Variants in TLK2 observed in about 807,000 individuals in gnomAD.
The protein encoded by TLK2 is serine/threonine-protein kinase tousled-like 2.
Under a neutral mutation model 117.3 loss-of-function variants are expected in TLK2, and 6 were observed. That is an observed-to-expected ratio of 0.05 (90% CI 0.03 to 0.10). The LOEUF (loss-of-function observed/expected upper bound fraction) is 0.10. TLK2 is among the 10% of genes least tolerant of loss of function. TLK2 has a pLI of 1.00. For missense variants in TLK2, 299 were observed against 901.2 expected (o/e 0.33, Z 8.56); for synonymous variants, 257 against 316.7 (o/e 0.81, Z 2.00).
At chr17:62,487,398 A>G (rs1348674737) in intron 2 of TLK2, among the ~76,000 whole-genome samples, 1 of 151,572 alleles carries the variant, frequency 6.6e-6, no homozygotes, top group Non-Finnish European at 1.5e-5. Context: ...ACGCGCCTGT[A>G]GTCCCAGCTG....
At chr17:62,595,899 A>C (rs551599910) in intron 16 of TLK2, among the ~76,000 whole-genome samples, 1 of 152,232 alleles carries the variant, frequency 6.6e-6, no homozygotes, top group South Asian at 2.1e-4. Context: ...GCATATATAC[A>C]TTTACAGATA....
At chr17:62,476,941 T>C (rs1359291668), upstream of TLK2, among the ~76,000 whole-genome samples, 1 of 150,114 alleles carries the variant, frequency 6.7e-6, no homozygotes, top group Non-Finnish European at 1.5e-5. Context: ...AAAAAAAAAA[T>C]TAGCCGGGCC....
chr17:62,596,754 T>G (rs1377883580), intron 17 of TLK2, 80 bp downstream of exon 17: 1 of 1,265,712 alleles, frequency 7.9e-7, no homozygotes, highest in Non-Finnish European at 1.1e-6. Context: ...AGCTGAACTC[T>G]GGGTCCAGGA....
chr17:62,474,142 G>C (rs1195178568), upstream of TLK2, among the ~76,000 whole-genome samples: 3 of 151,988 alleles, frequency 2.0e-5, no homozygotes, highest in Non-Finnish European at 2.9e-5. Flanking sequence ...GCAGTGGCGG[G>C]ATCTTGGCTC....
chr17:62,569,312 A>AG (rs2080073688), intron 11 of TLK2, among the ~76,000 whole-genome samples: 1 of 151,698 alleles, frequency 6.6e-6, no homozygotes, highest in Non-Finnish European at 1.5e-5. Context: ...CAAAAAAAAA[A>AG]AACAACCCAT....
chr17:62,574,559 C>T (rs1212598307), intron 12 of TLK2: 1 of 609,240 alleles, frequency 1.6e-6, no homozygotes, highest in African/African-American at 1.9e-5. Flanking sequence ...ACTCCGTCGC[C>T]CAGGCCAGAG....
chr17:62,486,329 T>C (rs1347994296), intron 2 of TLK2, among the ~76,000 whole-genome samples: 1 of 151,874 alleles, frequency 6.6e-6, no homozygotes, highest in Non-Finnish European at 1.5e-5. Flanking sequence ...AGCTAATTTT[T>C]ATATTTTTAG....
In TLK2 at chr17:62,610,279, C is replaced by T. The variant is rs139075971; in HGVS notation, c.2080-2113C>T. On this transcript the variant is annotated intron_variant, in intron 21 of 21. Transcript: ENST00000346027. ...CTCCTGTGTCCCTGTTTCTCCTAAT[C>T]CTACCCTCTTCTCTTCCTGTCCTCC... 3.5e-3 allele frequency among the ~76,000 whole-genome samples: 531 copies of T among 152,332 alleles called. 6 individuals carry two copies. The highest frequency in any genetic ancestry group is 0.012 in the African/African-American group (515 of 41,570).
upstream of TLK2, among the ~76,000 whole-genome samples, chr17:62,474,224 A>G (rs1206865545): frequency 2.7e-5 from 4 of 147,608 alleles, no homozygotes; most frequent in Non-Finnish European, 6.0e-5. Flanking sequence ...GACTACAGAC[A>G]CACGCTGCCT....
intron 2 of TLK2, among the ~76,000 whole-genome samples, chr17:62,500,055 G>A (rs1375288380): frequency 1.3e-5 from 2 of 151,872 alleles, no homozygotes; most frequent in African/African-American, 2.4e-5. Flanking sequence ...TTCCTAGATC[G>A]AGTCTTTATT....
chr17:62,582,172 T>C (rs1039975731), intron 15 of TLK2, among the ~76,000 whole-genome samples: 1 of 152,232 alleles, frequency 6.6e-6, no homozygotes, highest in Non-Finnish European at 1.5e-5. Context: ...ACTATTGATA[T>C]ATTCAGATTT....
chr17:62,568,612 C>T (rs116051256), intron 11 of TLK2, among the ~76,000 whole-genome samples: 2,714 of 151,976 alleles, frequency 0.018, 75 homozygotes, highest in African/African-American at 0.061. Flanking sequence ...TGAGACGGAG[C>T]CTCACTCTAT....
chr17:62,525,323 A>G (rs1371375989), intron 6 of TLK2, among the ~76,000 whole-genome samples: 1 of 152,060 alleles, frequency 6.6e-6, no homozygotes, highest in Non-Finnish European at 1.5e-5. Context: ...CTCCCCCTCT[A>G]CTGTCTCATA....
chr17:62,495,653 T>TTATATATATATATA (rs143548926), intron 2 of TLK2, among the ~76,000 whole-genome samples: 153 of 137,896 alleles, frequency 1.1e-3, no homozygotes, highest in African/African-American at 3.8e-3. Context: ...ATTTTAAAAA[T>TTATATATATATATA]TATATATATA....
rs527706803 is a variant in TLK2, at chr17:62,553,579, C to A, written c.628-84C>A. 11 of 944,896 alleles carry A rather than the reference C, an allele frequency of 1.2e-5. No homozygotes were observed. The Admixed American group carries it at 1.7e-4, about 15-fold the overall frequency. 58.5% of individuals were successfully genotyped at this position (944,896 alleles called of 1,614,324 possible). A position where few individuals can be genotyped will look rare whatever the true frequency, so the allele number is the denominator to read the frequency against. On this transcript the variant is annotated intron_variant, in intron 8 of 21. Transcript: ENST00000346027. ...TGTGAGCAAGTGCTTTTTCCCACCCCCCCGAGAAAGGTAATGAGAAGAGTG... is the reference window on the plus strand; with the variant it reads ...TGTGAGCAAGTGCTTTTTCCCACCCACCCGAGAAAGGTAATGAGAAGAGTG...
At chr17:62,516,015 C>T (rs2075553346) in intron 2 of TLK2, among the ~76,000 whole-genome samples, 2 of 151,980 alleles carry the variant, frequency 1.3e-5, no homozygotes, top group African/African-American at 4.8e-5. Context: ...AACTCCTCCT[C>T]CCGGGTTCAA....
chr17:62,490,417 T>C (rs992043900), intron 2 of TLK2, among the ~76,000 whole-genome samples: 1 of 152,240 alleles, frequency 6.6e-6, no homozygotes, highest in Non-Finnish European at 1.5e-5. Context: ...GTGTAGCCCA[T>C]GGGTCTTCTA....
intron 2 of TLK2, among the ~76,000 whole-genome samples, chr17:62,512,076 T>G (rs1482290405): frequency 6.6e-6 from 1 of 152,158 alleles, no homozygotes; most frequent in Non-Finnish European, 1.5e-5. Flanking sequence ...GTGTTTAGCG[T>G]TGTTGCTATT....
At chr17:62,590,169 C>A (rs183214394) in intron 16 of TLK2, among the ~76,000 whole-genome samples, 1 of 149,064 alleles carries the variant, frequency 6.7e-6, no homozygotes, top group South Asian at 2.2e-4. Context: ...CGGTGGCTCA[C>A]GCCTGTAATC....
Sources: allele counts gnomAD v4.1 joint callset (sites outside exome capture counted in the v4.1 genomes callset), GRCh38; gene constraint gnomAD v4.1.1; transcripts MANE v1.5; gene names NCBI Gene and HGNC (gene_info 2026-07-23, HGNC 2026-07-21).